CPM: variants seen among roughly 807,000 people sequenced by gnomAD.
CPM encodes carboxypeptidase M.
CPM carries 35 observed loss-of-function variants against 46.4 expected under a neutral mutation model. That is an observed-to-expected ratio of 0.75 (90% CI 0.58 to 1.00). The LOEUF (loss-of-function observed/expected upper bound fraction) is 1.00. Ranked by LOEUF, CPM falls within the 50% of genes least tolerant of loss-of-function variation. CPM has a pLI of 0.00. For synonymous variants in CPM, 195 were observed against 195.3 expected (o/e 1.00, Z 0.01); for missense variants, 422 against 530.4 (o/e 0.80, Z 2.01).
At chr12:68,925,358 A>G (rs1158146239) in intron 2 of CPM, among the ~76,000 whole-genome samples, 2 of 152,222 alleles carry the variant, frequency 1.3e-5, no homozygotes, top group Non-Finnish European at 2.9e-5. Flanking sequence ...CTAAAGACCC[A>G]TGGTCACGTA....
At chr12:68,883,884 C>T (rs10784732) in intron 3 of CPM, among the ~76,000 whole-genome samples, 75,153 of 149,234 alleles carry the variant, frequency 0.5, 19,730 homozygotes, top group Non-Finnish European at 0.58. Flanking sequence ...CACCTGAGGT[C>T]AGGGGTTCGA....
chr12:68,926,504 A>G (rs146043413), intron 2 of CPM, among the ~76,000 whole-genome samples: 2 of 151,922 alleles, frequency 1.3e-5, no homozygotes, highest in African/African-American at 2.4e-5. Context: ...AATGACCTCA[A>G]CTTCCATGGA....
At chr12:68,870,615 G>A (rs963018462) in intron 4 of CPM, among the ~76,000 whole-genome samples, 1 of 152,204 alleles carries the variant, frequency 6.6e-6, no homozygotes, top group Non-Finnish European at 1.5e-5. Flanking sequence ...TGAGATACTA[G>A]CTATTGTGAT....
Position 68,861,910 on chromosome 12 carries a change from C to CAA in CPM, c.941-2841_941-2840dup, listed in dbSNP as rs58592710. 1.3e-3 allele frequency among the ~76,000 whole-genome samples: 52 copies of CAA among 39,260 alleles called. 1 individual carries two copies. Among genetic ancestry groups the CAA allele is most frequent in the African/African-American group, 4.7e-3 (44 of 9,290 alleles). 25.8% of individuals were successfully genotyped at this position (39,260 alleles called of 152,430 possible). Reference sequence around the variant, plus strand: ...GTAATGAGTAGTTGGCAGAAGACACCAAAAAAAAAAAAAAAAAAAAAAAAA... The same window carrying CAA: ...GTAATGAGTAGTTGGCAGAAGACACCAAAAAAAAAAAAAAAAAAAAAAAAAAA... On this transcript the variant is annotated intron_variant, in intron 7 of 8. Transcript: ENST00000551568.
chr12:68,885,732 C>A (rs1324115729), intron 3 of CPM, 60 bp downstream of exon 3: 3 of 1,378,526 alleles, frequency 2.2e-6, no homozygotes, highest in Non-Finnish European at 3.1e-6. Flanking sequence ...ATACAGAGCT[C>A]AAGAGACCCT....
intron 2 of CPM, among the ~76,000 whole-genome samples, chr12:68,906,736 G>T (rs1887368210): frequency 1.3e-5 from 2 of 152,158 alleles, no homozygotes; most frequent in African/African-American, 4.8e-5. Context: ...GCCCGCCTCA[G>T]CCTCCCAAAG....
At chr12:68,909,138 G>A (rs1231290466) in intron 2 of CPM, among the ~76,000 whole-genome samples, 1 of 152,204 alleles carries the variant, frequency 6.6e-6, no homozygotes, top group Non-Finnish European at 1.5e-5. Context: ...ATGGCCCTGG[G>A]TTCAAGCAAT....
intron 2 of CPM, among the ~76,000 whole-genome samples, chr12:68,909,726 A>G (rs749594928): frequency 6.6e-6 from 1 of 151,850 alleles, no homozygotes; most frequent in Non-Finnish European, 1.5e-5. Flanking sequence ...TCAGCAAACT[A>G]TCAGAATATC....
intron 7 of CPM, among the ~76,000 whole-genome samples, chr12:68,859,795 C>T (rs1237225647): frequency 6.6e-6 from 1 of 152,186 alleles, no homozygotes; most frequent in East Asian, 1.9e-4. Flanking sequence ...ATAGTCTCGA[C>T]AGCCCCTCTC....
At chr12:68,865,487 C>A (rs371291521) in intron 7 of CPM, among the ~76,000 whole-genome samples, 1 of 152,190 alleles carries the variant, frequency 6.6e-6, no homozygotes, top group Non-Finnish European at 1.5e-5. Context: ...CCCTGTGCTA[C>A]CTTCCCTCAT....
At chr12:68,929,654 A>C (rs1266385844) in intron 2 of CPM, among the ~76,000 whole-genome samples, 4 of 152,238 alleles carry the variant, frequency 2.6e-5, no homozygotes, top group Non-Finnish European at 5.9e-5. Context: ...AAAATCACCA[A>C]TAATAATAGA....
chr12:68,959,619 G>A (rs1172437806), intron 1 of CPM, among the ~76,000 whole-genome samples: 1 of 152,248 alleles, frequency 6.6e-6, no homozygotes, highest in African/African-American at 2.4e-5. Flanking sequence ...AGACAGATGT[G>A]GGTGAAACAT....
At chr12:68,885,617 C>T (rs867984194) in intron 3 of CPM, among the ~76,000 whole-genome samples, 175 bp downstream of exon 3, 1 of 152,054 alleles carries the variant, frequency 6.6e-6, no homozygotes, top group Non-Finnish European at 1.5e-5. Flanking sequence ...GTTGTTGGAC[C>T]CTGATTCCTT....
intron 2 of CPM, among the ~76,000 whole-genome samples, chr12:68,901,824 C>G (rs931491850): frequency 8.6e-5 from 13 of 152,010 alleles, no homozygotes; most frequent in Non-Finnish European, 1.9e-4. Flanking sequence ...CCTTCAGTCT[C>G]TGGGTAGAAC....
upstream of CPM, among the ~76,000 whole-genome samples, chr12:68,935,761 G>A (rs1401765127): frequency 6.6e-6 from 1 of 152,090 alleles, no homozygotes; most frequent in Non-Finnish European, 1.5e-5. Context: ...ACTGGAGCTT[G>A]AGAAGATTAA....
At chr12:68,939,188 T>C (rs1888721677) in intron 1 of CPM, among the ~76,000 whole-genome samples, 1 of 146,222 alleles carries the variant, frequency 6.8e-6, no homozygotes, top group South Asian at 2.1e-4. Flanking sequence ...GTTATGTATA[T>C]ATGTATGTAC....
At position 68,871,945 on chromosome 12, in the gene CPM, C is replaced by T. The variant is rs762843219; in HGVS notation, c.270G>A (p.Arg90=). The change falls in exon 4 of 9, where the codon CGG becomes CGA. Residue 90 remains arginine, a synonymous_variant. Transcript: ENST00000551568. ...AGTCAATCAGATGGAGCAGCAGCTCCCGCCCAACAGTCTATATGTGTTAAA... is the reference window on the plus strand; with the variant it reads ...AGTCAATCAGATGGAGCAGCAGCTCTCGCCCAACAGTCTATATGTGTTAAA... ...ANMHGDETVG[R]ELLLHLIDYL... The T allele has an allele frequency of 3.1e-6, 5 of 1,613,892 alleles. No individual in the cohort carries two copies. The South Asian group carries it at 4.4e-5, about 14-fold the overall frequency.
At chr12:68,881,226 T>C (rs1886175717) in intron 3 of CPM, among the ~76,000 whole-genome samples, 1 of 152,218 alleles carries the variant, frequency 6.6e-6, no homozygotes. Context: ...TTAGATTTAA[T>C]TTCCAGTTTG....
At chr12:68,961,740 C>T (rs1336044396) in intron 1 of CPM, among the ~76,000 whole-genome samples, 1 of 127,496 alleles carries the variant, frequency 7.8e-6, no homozygotes, top group Admixed American at 8.5e-5. Context: ...AGGGTGAACC[C>T]CCATCTCTAC....
Sources: gnomAD v4.1 joint callset for allele counts (sites outside exome capture counted in the v4.1 genomes callset) on GRCh38, gnomAD v4.1.1 for gene constraint, MANE v1.5 for transcripts, NCBI Gene and HGNC (gene_info 2026-07-23, HGNC 2026-07-21) for gene names.